The following NEB variants were observed in gnomAD, a reference collection of about 807,000 sequenced individuals.
NEB encodes the protein nebulin, also known as nemaline myopathy type 2.
A neutral mutation model predicts 952.2 loss-of-function variants in NEB; 512 were observed. The observed-to-expected ratio is 0.54, with a 90% confidence interval of 0.50 to 0.58. The LOEUF is 0.58. Among genes scored for constraint, NEB ranks in the 20% least tolerant of loss-of-function variants. The pLI is 0.00. For synonymous variants in NEB, 2,900 were observed against 3,149.8 expected, an observed-to-expected ratio of 0.92 and a Z score of 2.66; for missense variants, 8,428 against 9,231.1, an observed-to-expected ratio of 0.91 and a Z score of 3.56.
chr2:151,567,874 G>A (rs991947672), intron 113 of NEB, among the ~76,000 whole-genome samples, 197 bp downstream of exon 113: 2 of 152,078 alleles, frequency 1.3e-5, no homozygotes, highest in African/African-American at 4.8e-5. Flanking sequence ...GTGGGCGGGT[G>A]AAGAAACAAG....
chr2:151,612,082 C>T, intron 78 of NEB, 104 bp downstream of exon 78: 1 of 1,266,804 alleles, frequency 7.9e-7, no homozygotes. Flanking sequence ...AGAATCAGGC[C>T]TATGACACCT....
chr2:151,618,147 T>C, intron 74 of NEB, 128 bp downstream of exon 74: 1 of 811,086 alleles, frequency 1.2e-6, no homozygotes, highest in Non-Finnish European at 2.1e-6. Context: ...TATGGTATTA[T>C]AGTGGAAAAA....
intron 68 of NEB, among the ~76,000 whole-genome samples, chr2:151,628,449 A>G (rs2098576026): frequency 6.6e-6 from 1 of 152,214 alleles, no homozygotes; most frequent in African/African-American, 2.4e-5. Flanking sequence ...TGTATCTACA[A>G]AAAAGCATTT....
At chr2:151,667,322 AATG>A (rs1173890966) in intron 40 of NEB, among the ~76,000 whole-genome samples, 1 of 152,238 alleles carries the variant, frequency 6.6e-6, no homozygotes, top group African/African-American at 2.4e-5. Context: ...AGTTCATAAC[AATG>A]ATACTAATGA....
intron 120 of NEB, 126 bp from the exon 121 acceptor site, chr2:151,562,340 G>A (rs1333233197): frequency 2.4e-6 from 2 of 846,902 alleles, no homozygotes; most frequent in Non-Finnish European, 3.9e-6. Flanking sequence ...CCTCTCACCA[G>A]CTGGAAGGTC....
At position 151,705,545 on chromosome 2, in the gene NEB, A is replaced by T. The variant is rs142634769; in HGVS notation, c.1152+1336T>A. Among the ~76,000 whole-genome samples the T allele has an allele frequency of 9.5e-3, 1,454 of 152,344 alleles. 12 individuals carry two copies. The highest frequency in any genetic ancestry group is 0.014 in the Middle Eastern group (4 of 294). ...TCCTTAAAGAACTGAAAATAGAACT[A>T]CCATTCAATCCAGCAATCCCATCAC... is the stretch of plus-strand genomic sequence containing the variant. On this transcript the variant is annotated intron_variant, in intron 13 of 181. Transcript: ENST00000397345.
In NEB at chr2:151,636,319, C is replaced by T. The variant is rs1296594761; in HGVS notation, c.9010G>A (p.Ala3004Thr). 3 of 1,606,000 alleles carry T rather than the reference C, an allele frequency of 1.9e-6. No individual in the cohort carries two copies. The highest frequency in any genetic ancestry group is 1.7e-6 in the Non-Finnish European group (2 of 1,179,308). ...INYSESLYKL[A>T]NEEAKKKGYD... Reference sequence around the variant, plus strand: ...CCTTTCTTCTTTGCTTCTTCATTAGCAAGTTTGTACAGACTCTAAATTTGG... The same window carrying T: ...CCTTTCTTCTTTGCTTCTTCATTAGTAAGTTTGTACAGACTCTAAATTTGG... The change falls in exon 64 of 182, where the codon GCT (alanine) becomes ACT (threonine). Residue 3004 changes from alanine (A) to threonine (T), a missense_variant. Physicochemically the swap from Ala to Thr is moderately conservative, Grantham distance 58. Transcript: ENST00000397345.
rs1415817931 is a variant in NEB at position 151,687,722 on chromosome 2, C to T, written c.2427G>A (p.Lys809=). ...TGGCTTTGCTCTTCTCCCAGTCTTG[C>T]TTATAAACATTCTGGACAAGAAAAA... is the stretch of plus-strand genomic sequence containing the variant. ...NAYNLSDNVY[K]QDWEKSKAKK... is the part of the protein sequence containing the mutation. The change falls in exon 26 of 182, where the codon AAG becomes AAA. Residue 809 remains lysine (K), a synonymous_variant. Coordinates refer to ENST00000397345, the MANE Select transcript of NEB (RefSeq NM_001164508.2). 1.3e-6 allele frequency: 2 copies of T among 1,584,610 alleles called. No individual in the cohort carries two copies. Among genetic ancestry groups the T allele is most frequent in the South Asian group, 2.3e-5 (2 of 87,488 alleles).
chr2:151,503,377 ACTCTCT>A lies in NEB; in HGVS notation c.23801_23806del (p.Glu7934_Arg7935del). On this transcript the variant is annotated inframe_deletion, in exon 166 of 182. Coordinates refer to ENST00000397345, the MANE Select transcript of NEB (RefSeq NM_001164508.2). Reference sequence around the variant, plus strand: ...GCTAAAGTTCTCTTGATTGCGTTTGACTCTCTCAATCTCTGGAGTCACAGTGGTTGG... The same window carrying A: ...GCTAAAGTTCTCTTGATTGCGTTTGACAATCTCTGGAGTCACAGTGGTTGG... 6.2e-7 allele frequency: 1 copy of A among 1,612,194 alleles called. No individual in the cohort carries two copies. Among genetic ancestry groups the A allele is most frequent in the Admixed American group, 1.7e-5 (1 of 59,968 alleles).
In NEB at chr2:151,490,096, A is replaced by G. The variant is rs929224551; in HGVS notation, c.25298-19T>C. The G allele has an allele frequency of 1.3e-6, 2 of 1,564,244 alleles. No individual in the cohort carries two copies. Among genetic ancestry groups the G allele is most frequent in the African/African-American group, 2.7e-5 (2 of 73,264 alleles). ...TTGTAAGCTGAAAAAAAGGGGGCAA[A>G]TTCTTTATAAGAAGAAAAATGGCTA... is the stretch of plus-strand genomic sequence containing the variant. On this transcript the variant is annotated intron_variant, in intron 180 of 181. Transcript: ENST00000397345.
Position 151,663,843 on chromosome 2 carries a change from G to C in NEB, c.5468C>G (p.Ala1823Gly), listed in dbSNP as rs1250519349. The C allele has an allele frequency of 1.9e-6, 3 of 1,613,408 alleles. No individual in the cohort carries two copies. The highest frequency in any genetic ancestry group is 2.5e-6 in the Non-Finnish European group (3 of 1,179,628). The change falls in exon 45 of 182, where the codon GCC becomes GGC. Residue 1823 changes from alanine to glycine, a missense_variant. This residue lies in a region of NEB where 2,851 missense variants were observed against 2,791.5 expected (regional missense o/e 1.02). Transcript: ENST00000397345. ...DIASDYKYKK[A>G]YEQAKGKHIG... ...GTGTTTCCCTTTGGCTTGTTCATAG[G>C]CTTTCTTGTATTTGTACTGTGGACA...
In NEB at chr2:151,554,041, C is replaced by A; in HGVS notation, c.19429-16G>T. On this transcript the variant is annotated splice_polypyrimidine_tract_variant and intron_variant, in intron 125 of 181. Coordinates refer to ENST00000397345, the MANE Select transcript of NEB (RefSeq NM_001164508.2). ...TGTACAGGCGCTGTAAAGTTAAAAT[C>A]ACATGCCAGTTATACAGGAAATTGT... 2.5e-6 allele frequency: 4 copies of A among 1,611,956 alleles called. No individual in the cohort carries two copies. Among genetic ancestry groups the A allele is most frequent in the Non-Finnish European group, 3.4e-6 (4 of 1,178,316 alleles).
intron 159 of NEB, 145 bp from the exon 160 acceptor site, chr2:151,513,838 G>A (rs759321377): frequency 1.1e-5 from 7 of 650,918 alleles, no homozygotes; most frequent in Non-Finnish European, 1.9e-5. Flanking sequence ...TCGCTCTTCC[G>A]TGTGGTAGGA....
chr2:151,650,417 T>G (rs775424590), intron 53 of NEB, 38 bp from the exon 54 acceptor site: 2 of 1,589,436 alleles, frequency 1.3e-6, no homozygotes, highest in Non-Finnish European at 1.7e-6. Context: ...AATCCCATTC[T>G]CACCTGGACC....
chr2:151,711,717 G>A (rs2099745795), intron 10 of NEB, among the ~76,000 whole-genome samples: 1 of 152,148 alleles, frequency 6.6e-6, no homozygotes, highest in African/African-American at 2.4e-5. Context: ...AAGGCTGCTA[G>A]GAAGTTTAAT....
intron 181 of NEB, among the ~76,000 whole-genome samples, chr2:151,488,652 TAAAA>T (rs60310785): frequency 2.0e-5 from 3 of 151,006 alleles, no homozygotes; most frequent in African/African-American, 4.9e-5. Context: ...TCTCTAAAAA[TAAAA>T]AAAAAGTATT....
intron 94 of NEB, 60 bp from the exon 95 acceptor site, chr2:151,592,198 A>T: frequency 6.5e-7 from 1 of 1,545,138 alleles, no homozygotes; most frequent in Non-Finnish European, 8.8e-7. Flanking sequence ...TACCACATAA[A>T]TAAAATTATA....
At position 151,688,061 on chromosome 2, in the gene NEB, G is replaced by A. The variant is rs2099516503; in HGVS notation, c.2415+231C>T. Among the ~76,000 whole-genome samples, 3 of 152,166 alleles carry A rather than the reference G, an allele frequency of 2.0e-5. No homozygotes were observed. The South Asian group carries it at 6.2e-4, about 31-fold the overall frequency. ...GGGAAAGATGTTGTAAAACTCCAGGGAATAGTAGACGGGTAATTGGAGATC... is the reference window on the plus strand; with the variant it reads ...GGGAAAGATGTTGTAAAACTCCAGGAAATAGTAGACGGGTAATTGGAGATC... On this transcript the variant is annotated intron_variant, in intron 25 of 181. Transcript: ENST00000397345.
At chr2:151,536,305 C>T (rs1293910096) in intron 141 of NEB, among the ~76,000 whole-genome samples, 2 of 152,172 alleles carry the variant, frequency 1.3e-5, no homozygotes. Context: ...GTGGACACGA[C>T]GAAAACACTT....
Sources: gnomAD v4.1 joint callset for allele counts (sites outside exome capture counted in the v4.1 genomes callset) on GRCh38, gnomAD v4.1.1 for gene constraint, gnomAD v4.1.1 regional missense constraint, MANE v1.5 for transcripts, NCBI Gene and HGNC (gene_info 2026-07-23, HGNC 2026-07-21) for gene names.